Variants in CLVS1 observed in about 807,000 individuals in gnomAD.
The protein encoded by CLVS1 is clavesin 1, also known as clavesin-1.
A neutral mutation model predicts 33.1 loss-of-function variants in CLVS1; 10 were observed. The observed-to-expected ratio is 0.30, with a 90% CI of 0.19 to 0.51. CLVS1 has a LOEUF of 0.51. Among genes scored for constraint, CLVS1 ranks in the 20% least tolerant of loss-of-function variants. The pLI is 0.97. For synonymous variants in CLVS1, 163 were observed against 166.1 expected (o/e 0.98, Z 0.14); for missense variants, 343 against 433.4 (o/e 0.79, Z 1.85).
chr8:61,356,164 G>A (rs1443598023), intron 2 of CLVS1, among the ~76,000 whole-genome samples: 1 of 151,970 alleles, frequency 6.6e-6, no homozygotes, highest in Non-Finnish European at 1.5e-5. Context: ...CTGATGGCCA[G>A]TGATGATGAG....
At chr8:61,455,136 A>C (rs566994416) in intron 4 of CLVS1, among the ~76,000 whole-genome samples, 33 of 151,982 alleles carry the variant, frequency 2.2e-4, no homozygotes, top group African/African-American at 7.7e-4. Flanking sequence ...TGATTACCAC[A>C]ATCAAGCTAT....
chr8:61,389,777 G>A (rs1189527044), intron 3 of CLVS1, among the ~76,000 whole-genome samples: 2 of 152,152 alleles, frequency 1.3e-5, no homozygotes, highest in African/African-American at 4.8e-5. Context: ...GCACGGAAGT[G>A]CATAAAATAT....
At chr8:61,059,713 A>G (rs1563388048) in intron 1 of CLVS1, among the ~76,000 whole-genome samples, 1 of 151,140 alleles carries the variant, frequency 6.6e-6, no homozygotes, top group Non-Finnish European at 1.5e-5. Flanking sequence ...CGGGAGGCTG[A>G]GGCAGGAGAA....
intron 5 of CLVS1, among the ~76,000 whole-genome samples, chr8:61,478,894 T>C (rs917450203): frequency 6.6e-6 from 1 of 152,234 alleles, no homozygotes; most frequent in African/African-American, 2.4e-5. Context: ...CCTTTAAGAA[T>C]GTTGAATATT....
At chr8:61,100,763 G>T (rs1175937144) in intron 1 of CLVS1, among the ~76,000 whole-genome samples, 1 of 151,938 alleles carries the variant, frequency 6.6e-6, no homozygotes, top group Non-Finnish European at 1.5e-5. Flanking sequence ...CACAACCCTA[G>T]GGAACCACAA....
intron 2 of CLVS1, among the ~76,000 whole-genome samples, chr8:61,321,038 TAAAAC>T (rs759693857): frequency 3.3e-5 from 5 of 152,240 alleles, no homozygotes; most frequent in Non-Finnish European, 5.9e-5. Flanking sequence ...AAAACATGCT[TAAAAC>T]AAACATTTAA....
chr8:61,389,789 A>G (rs1254463053), intron 3 of CLVS1, among the ~76,000 whole-genome samples: 2 of 152,228 alleles, frequency 1.3e-5, no homozygotes, highest in East Asian at 1.9e-4. Context: ...ATAAAATATT[A>G]GAGAGATGTT....
At position 61,500,656 on chromosome 8, in the gene CLVS1, T is replaced by C. The variant is rs771491905; in HGVS notation, c.*1114T>C. 6.6e-5 allele frequency: 10 copies of C among 152,168 alleles called. No individual in the cohort carries two copies. Among genetic ancestry groups the C allele is most frequent in the African/African-American group, 1.4e-4 (6 of 41,444 alleles). 9.4% of individuals were successfully genotyped at this position (152,168 alleles called of 1,614,324 possible). A position where few individuals can be genotyped will look rare whatever the true frequency, so the allele number is the denominator to read the frequency against. ...AGACATAAAATAAACAGACATCATATATGATATCCTTACTTGTGCCATGTT... is the reference window on the plus strand; with the variant it reads ...AGACATAAAATAAACAGACATCATACATGATATCCTTACTTGTGCCATGTT... On this transcript the variant is annotated 3_prime_UTR_variant, in exon 6 of 6. Transcript: ENST00000325897.
rs144669915 is a variant in CLVS1, at chr8:61,462,695, C to T, written c.977+4153C>T. 1.7e-3 allele frequency among the ~76,000 whole-genome samples: 254 copies of T among 152,222 alleles called. 3 individuals are homozygous for T. The highest frequency in any genetic ancestry group is 6.0e-3 in the African/African-American group (249 of 41,534). ...ATCTTTTTTTCTGAGCAGTAAGTCT[C>T]GTCAGTAGACTTAAAATACTCTGTA... On this transcript the variant is annotated intron_variant, in intron 5 of 5. Transcript: ENST00000325897.
rs2129307610 is a variant in CLVS1 at position 61,212,579 on chromosome 8, A to G, written c.-152+80719A>G. On this transcript the variant is annotated intron_variant, in intron 2 of 2. Coordinates refer to the CLVS1 transcript ENST00000522621. ...GATGTTGGGGAAATGATTTTGGAGG[A>G]AGAGGGAGGAAGGGATTGGAAAGAT... 2.0e-5 allele frequency among the ~76,000 whole-genome samples: 3 copies of G among 152,232 alleles called. No homozygotes were observed. The South Asian group carries it at 6.2e-4, about 32-fold the overall frequency.
At chr8:61,010,813 C>T in the CLVS1 span, among the ~76,000 whole-genome samples, 31 of 152,356 alleles carry the variant, frequency 2.0e-4, no homozygotes, top group South Asian at 6.0e-3. Context: ...TCTCAGGTTC[C>T]TGTCATTGTT....
chr8:61,121,013 G>C (rs1805852630), intron 1 of CLVS1, among the ~76,000 whole-genome samples: 1 of 151,474 alleles, frequency 6.6e-6, no homozygotes, highest in Non-Finnish European at 1.5e-5. Flanking sequence ...TGCTGTGCTA[G>C]CAATCAGCGA....
At chr8:61,353,234 A>G (rs1812548106) in intron 2 of CLVS1, among the ~76,000 whole-genome samples, 1 of 152,066 alleles carries the variant, frequency 6.6e-6, no homozygotes, top group African/African-American at 2.4e-5. Flanking sequence ...ACACAACAAC[A>G]GCAAGGTACA....
chr8:61,464,035 C>T (rs1220502150), intron 5 of CLVS1, among the ~76,000 whole-genome samples: 1 of 140,986 alleles, frequency 7.1e-6, no homozygotes, highest in Non-Finnish European at 1.5e-5. Context: ...CAAGATCACG[C>T]CACTGACTGC....
chr8:61,126,520 G>A (rs1477118671), intron 1 of CLVS1, among the ~76,000 whole-genome samples: 1 of 152,144 alleles, frequency 6.6e-6, no homozygotes, highest in East Asian at 1.9e-4. Flanking sequence ...CTTATAAATT[G>A]TATAGTTTTG....
chr8:60,968,100 G>T, the CLVS1 span, among the ~76,000 whole-genome samples: 3 of 152,166 alleles, frequency 2.0e-5, no homozygotes, highest in South Asian at 6.2e-4. Flanking sequence ...CTGGCGAATT[G>T]TTACGTATTT....
intron 1 of CLVS1, among the ~76,000 whole-genome samples, chr8:61,100,490 A>G (rs4738865): frequency 0.2 from 31,042 of 152,078 alleles, 3,306 homozygotes; most frequent in Admixed American, 0.31. Flanking sequence ...TTCAAGTCAC[A>G]ATTTGCCTTG....
chr8:61,383,810 T>G (rs1424527280), intron 3 of CLVS1, among the ~76,000 whole-genome samples: 6 of 152,228 alleles, frequency 3.9e-5, no homozygotes, highest in Non-Finnish European at 8.8e-5. Flanking sequence ...CCATGCATTA[T>G]AAACCTCACC....
chr8:61,070,255 C>G (rs1459273077), intron 1 of CLVS1, among the ~76,000 whole-genome samples: 2 of 152,192 alleles, frequency 1.3e-5, no homozygotes, highest in Admixed American at 6.5e-5. Context: ...GTGTGCGTCT[C>G]TCATATCACA....
Sources: allele counts gnomAD v4.1 joint callset (sites outside exome capture counted in the v4.1 genomes callset), GRCh38; gene constraint gnomAD v4.1.1; transcripts MANE v1.5; gene names NCBI Gene and HGNC (gene_info 2026-07-23, HGNC 2026-07-21).